Variants in GRIN2A observed in about 807,000 individuals in gnomAD.
The protein encoded by GRIN2A is glutamate receptor ionotropic, NMDA 2A.
GRIN2A carries 22 observed loss-of-function variants against 113.4 expected under a neutral mutation model. The ratio of observed to expected loss-of-function variants is 0.19; its 90% confidence interval spans 0.14 to 0.28. The LOEUF is 0.28. GRIN2A is among the 10% of genes least tolerant of loss of function. The pLI is 1.00. For synonymous variants in GRIN2A, 827 were observed against 738.4 expected (o/e 1.12, Z -1.94); for missense variants, 1,502 against 1,887.0 (o/e 0.80, Z 3.78).
chr16:9,833,879 C>T (rs1170314934), intron 8 of GRIN2A, among the ~76,000 whole-genome samples: 2 of 152,086 alleles, frequency 1.3e-5, no homozygotes, highest in Non-Finnish European at 2.9e-5. Context: ...GCCACCATGC[C>T]CAGCTAATTT....
At chr16:9,908,554 A>C (rs2044071861) in intron 3 of GRIN2A, among the ~76,000 whole-genome samples, 1 of 152,332 alleles carries the variant, frequency 6.6e-6, no homozygotes, top group African/African-American at 2.4e-5. Context: ...GAGGAAAAGA[A>C]GAGAAGTCAA....
intron 3 of GRIN2A, among the ~76,000 whole-genome samples, chr16:9,903,420 T>C (rs568140693): frequency 1.3e-5 from 2 of 152,300 alleles, no homozygotes; most frequent in African/African-American, 4.8e-5. Context: ...TCCAGCAGAC[T>C]TGCCATTGAG....
At chr16:10,156,032 T>C (rs1045512783) in intron 2 of GRIN2A, among the ~76,000 whole-genome samples, 3 of 152,108 alleles carry the variant, frequency 2.0e-5, no homozygotes, top group Admixed American at 6.5e-5. Context: ...CCACTTTAAG[T>C]GGTAGGAGGG....
At chr16:10,021,885 C>G (rs919517589) in intron 2 of GRIN2A, among the ~76,000 whole-genome samples, 1 of 152,142 alleles carries the variant, frequency 6.6e-6, no homozygotes, top group African/African-American at 2.4e-5. Flanking sequence ...TCTCAGTGGA[C>G]TCTCTGCCCC....
chr16:9,848,051 CAT>C (rs1183275715), intron 5 of GRIN2A, among the ~76,000 whole-genome samples: 1 of 145,250 alleles, frequency 6.9e-6, no homozygotes, highest in Non-Finnish European at 1.5e-5. Flanking sequence ...TATATTTTAA[CAT>C]ATAAATATAT....
chr16:9,798,576 G>C (rs1436400802), intron 10 of GRIN2A, 112 bp from the exon 11 acceptor site: 3 of 744,062 alleles, frequency 4.0e-6, no homozygotes, highest in Non-Finnish European at 7.0e-6. Flanking sequence ...TGCTGGTGAT[G>C]ATGACTCATG....
intron 8 of GRIN2A, among the ~76,000 whole-genome samples, chr16:9,831,519 T>C (rs978891312): frequency 7.8e-6 from 1 of 127,834 alleles, no homozygotes; most frequent in African/African-American, 3.2e-5. Flanking sequence ...CTTTTCTTTT[T>C]CTTTTTTTTT....
At chr16:9,978,571 C>G (rs1342162974) in intron 2 of GRIN2A, among the ~76,000 whole-genome samples, 2 of 152,040 alleles carry the variant, frequency 1.3e-5, no homozygotes, top group Admixed American at 6.6e-5. Flanking sequence ...CCTCTTACTC[C>G]TCCTTAATGA....
chr16:9,936,478 C>T (rs762608240), intron 3 of GRIN2A, among the ~76,000 whole-genome samples: 15 of 152,170 alleles, frequency 9.9e-5, no homozygotes, highest in Non-Finnish European at 1.8e-4. Flanking sequence ...AATCACAGTT[C>T]TACACTGCTC....
intron 2 of GRIN2A, among the ~76,000 whole-genome samples, chr16:9,939,705 G>C (rs889792795): frequency 6.6e-6 from 1 of 152,134 alleles, no homozygotes; most frequent in African/African-American, 2.4e-5. Context: ...TCAGTGCCAT[G>C]ACTCTGCATC....
intron 2 of GRIN2A, among the ~76,000 whole-genome samples, chr16:9,954,673 T>C (rs778368468): frequency 6.6e-6 from 1 of 152,138 alleles, no homozygotes; most frequent in African/African-American, 2.4e-5. Flanking sequence ...AGCAAAATTT[T>C]CAGGCCACAA....
At chr16:9,857,083 C>T (rs976223801) in intron 4 of GRIN2A, among the ~76,000 whole-genome samples, 7 of 151,946 alleles carry the variant, frequency 4.6e-5, no homozygotes, top group African/African-American at 1.7e-4. Context: ...AGAAAAATTC[C>T]AATGTAGGGG....
intron 2 of GRIN2A, among the ~76,000 whole-genome samples, chr16:10,025,449 A>G (rs895865801): frequency 3.3e-5 from 5 of 151,728 alleles, no homozygotes; most frequent in African/African-American, 1.2e-4. Context: ...CTATAGGCCT[A>G]TGCCACCACA....
chr16:9,839,760 C>T (rs954452709), intron 7 of GRIN2A, among the ~76,000 whole-genome samples: 3 of 148,144 alleles, frequency 2.0e-5, no homozygotes, highest in African/African-American at 8.0e-5. Context: ...AGAGTCAAGA[C>T]CAGTATCTGA....
chr16:9,841,803 G>C (rs1054364549), intron 5 of GRIN2A, among the ~76,000 whole-genome samples: 1 of 152,178 alleles, frequency 6.6e-6, no homozygotes, highest in African/African-American at 2.4e-5. Context: ...CAAGGTCCTT[G>C]ATCAGGTAAA....
intron 3 of GRIN2A, among the ~76,000 whole-genome samples, chr16:9,909,494 T>C (rs759119300): frequency 3.5e-4 from 53 of 152,354 alleles, no homozygotes; most frequent in Middle Eastern, 6.8e-3. Context: ...GAAATGTGGA[T>C]AGTGTGACTG....
At chr16:10,132,807 T>C (rs2049094449) in intron 2 of GRIN2A, among the ~76,000 whole-genome samples, 1 of 152,240 alleles carries the variant, frequency 6.6e-6, no homozygotes, top group Non-Finnish European at 1.5e-5. Context: ...CCATTGCTGC[T>C]GTAACAAATT....
chr16:10,131,578 G>A (rs903531942), intron 2 of GRIN2A, among the ~76,000 whole-genome samples: 1 of 151,920 alleles, frequency 6.6e-6, no homozygotes, highest in Non-Finnish European at 1.5e-5. Context: ...CAAATGCATT[G>A]ACAAGACTAG....
intron 10 of GRIN2A, among the ~76,000 whole-genome samples, chr16:9,811,195 G>T (rs761882801): frequency 6.6e-6 from 1 of 152,176 alleles, no homozygotes; most frequent in African/African-American, 2.4e-5. Context: ...CCACGACCTT[G>T]TAACAGATAG....
Sources: allele counts gnomAD v4.1 joint callset (sites outside exome capture counted in the v4.1 genomes callset), GRCh38; gene constraint gnomAD v4.1.1; transcripts MANE v1.5; gene names NCBI Gene and HGNC (gene_info 2026-07-23, HGNC 2026-07-21).